The following NAV2 variants were observed in gnomAD, a reference collection of about 807,000 sequenced individuals.
The protein encoded by NAV2 is helicase, APC down-regulated 1.
A neutral mutation model predicts 223.2 loss-of-function variants in NAV2; 54 were observed. That is an observed-to-expected ratio of 0.24 (90% CI 0.19 to 0.30). NAV2 has a LOEUF of 0.30. Ranked by LOEUF, NAV2 falls within the 10% of genes least tolerant of loss-of-function variation. NAV2 has a pLI of 1.00. For synonymous variants in NAV2, 1,279 were observed against 1,239.3 expected (o/e 1.03, Z -0.67); for missense variants, 2,806 against 3,147.5 (o/e 0.89, Z 2.60).
Position 19,802,130 on chromosome 11 carries a change from C to T in NAV2, c.268-30354C>T, listed in dbSNP as rs539696061. ...TCCGAAGGGCTAGAAGGATTAATCA[C>T]TGGGGGTCTTCACCAAACTGGGACC... On this transcript the variant is annotated intron_variant, in intron 1 of 37. Coordinates refer to ENST00000349880, the MANE Select transcript of NAV2 (RefSeq NM_145117.5). Among the ~76,000 whole-genome samples the T allele has an allele frequency of 3.3e-5, 5 of 152,272 alleles. No individual in the cohort carries two copies. In the South Asian group the frequency reaches 8.3e-4, roughly 25 times the overall value.
At position 20,075,905 on chromosome 11, in the gene NAV2, C is replaced by T. The variant is rs544467419; in HGVS notation, c.4984-1647C>T. ...CCTCCCATATATCCTCTGCCCTTCTCATCCCTCTTGCAGCCCACTGTGTTT... is the reference window on the plus strand; with the variant it reads ...CCTCCCATATATCCTCTGCCCTTCTTATCCCTCTTGCAGCCCACTGTGTTT... On this transcript the variant is annotated intron_variant, in intron 22 of 37. Coordinates refer to ENST00000349880, the MANE Select transcript of NAV2 (RefSeq NM_145117.5). Among the ~76,000 whole-genome samples the T allele has an allele frequency of 1.1e-4, 16 of 152,140 alleles. No individual in the cohort carries two copies. In the South Asian group the frequency reaches 2.7e-3, roughly 26 times the overall value.
intron 17 of NAV2, 24 bp from the exon 18 acceptor site, chr11:20,054,056 C>T: frequency 6.2e-7 from 1 of 1,609,678 alleles, no homozygotes; most frequent in Non-Finnish European, 8.5e-7. Flanking sequence ...ATAGTTAATT[C>T]CGGCTTGATT....
At position 19,551,777 on chromosome 11, in the gene NAV2, C is replaced by T. The variant is rs554606174; in HGVS notation, c.75+200750C>T. Among the ~76,000 whole-genome samples, 254 of 152,256 alleles carry T rather than the reference C, an allele frequency of 1.7e-3. 2 individuals carry two copies. Among genetic ancestry groups the T allele is most frequent in the African/African-American group, 6.0e-3 (248 of 41,562 alleles). On this transcript the variant is annotated intron_variant, in intron 1 of 37. Coordinates refer to the NAV2 transcript ENST00000360655. ...AGTTCTTTCAGAATAGTGCATTTCACGTGTGGAGCATACCAACTTCCAGAA... is the reference window on the plus strand; with the variant it reads ...AGTTCTTTCAGAATAGTGCATTTCATGTGTGGAGCATACCAACTTCCAGAA...
intron 11 of NAV2, among the ~76,000 whole-genome samples, chr11:20,031,370 T>C (rs994620673): frequency 2.0e-5 from 3 of 152,240 alleles, no homozygotes; most frequent in Non-Finnish European, 4.4e-5. Context: ...GTCACTTGAT[T>C]AGATTCAACC....
intron 1 of NAV2, among the ~76,000 whole-genome samples, chr11:19,704,394 T>C (rs1019246301): frequency 3.3e-5 from 5 of 152,216 alleles, no homozygotes; most frequent in Admixed American, 6.5e-5. Context: ...TCCATGCTTA[T>C]CATTATGATG....
intron 5 of NAV2, among the ~76,000 whole-genome samples, chr11:19,885,430 T>G (rs2040872446): frequency 1.3e-5 from 2 of 152,244 alleles, no homozygotes; most frequent in African/African-American, 4.8e-5. Context: ...GCTTTTTCTC[T>G]CACACTGCCC....
intron 1 of NAV2, among the ~76,000 whole-genome samples, chr11:19,457,302 A>G (rs1395279471): frequency 6.6e-6 from 1 of 152,240 alleles, no homozygotes. Flanking sequence ...GCTAATTCAC[A>G]TTGGGTGGTC....
rs1018299429 is a variant in NAV2, at chr11:20,119,454, G to C, written c.*1196G>C. On this transcript the variant is annotated 3_prime_UTR_variant, in exon 38 of 38. Transcript: ENST00000349880. ...TTTAGAACACACACCAACACCTCCA[G>C]CGTCCCCGCCCCAGCTTCCGGTGGG... The C allele has an allele frequency of 2.0e-5, 3 of 152,646 alleles. No individual in the cohort carries two copies. The highest frequency in any genetic ancestry group is 7.2e-5 in the African/African-American group (3 of 41,408). 9.5% of individuals were successfully genotyped at this position (152,646 alleles called of 1,614,324 possible).
At chr11:19,642,030 G>A (rs1448944697) in intron 1 of NAV2, among the ~76,000 whole-genome samples, 1 of 152,146 alleles carries the variant, frequency 6.6e-6, no homozygotes, top group Admixed American at 6.5e-5. Context: ...GTACTGAATA[G>A]ATATTGGTTG....
At chr11:19,914,529 T>C (rs2043611655) in intron 6 of NAV2, among the ~76,000 whole-genome samples, 1 of 150,762 alleles carries the variant, frequency 6.6e-6, no homozygotes, top group Admixed American at 6.6e-5. Flanking sequence ...TTTAATATTG[T>C]TGTTCCTGTT....
chr11:19,469,315 C>T (rs1226469183), intron 1 of NAV2, among the ~76,000 whole-genome samples: 2 of 152,172 alleles, frequency 1.3e-5, no homozygotes, highest in Non-Finnish European at 2.9e-5. Flanking sequence ...TCTCTTTAGG[C>T]TGTGATCTTC....
intron 1 of NAV2, among the ~76,000 whole-genome samples, chr11:19,580,557 C>T (rs967314652): frequency 2.6e-5 from 4 of 152,174 alleles, no homozygotes; most frequent in Non-Finnish European, 5.9e-5. Flanking sequence ...TCTCTCAATA[C>T]TGCCACATTG....
chr11:19,909,787 G>T (rs2043160371), intron 6 of NAV2, among the ~76,000 whole-genome samples: 1 of 152,112 alleles, frequency 6.6e-6, no homozygotes, highest in South Asian at 2.1e-4. Context: ...AGTAATAGTT[G>T]CCATCATGTT....
intron 3 of NAV2, among the ~76,000 whole-genome samples, chr11:19,854,692 A>G (rs1009048877): frequency 6.6e-6 from 1 of 152,198 alleles, no homozygotes; most frequent in Non-Finnish European, 1.5e-5. Flanking sequence ...TTCCTCAGGA[A>G]TCCTAAGCAC....
At chr11:19,914,293 G>A (rs1174652467) in intron 6 of NAV2, among the ~76,000 whole-genome samples, 1 of 152,150 alleles carries the variant, frequency 6.6e-6, no homozygotes, top group African/African-American at 2.4e-5. Flanking sequence ...GGAGAAAGGT[G>A]GTGTCACATT....
At chr11:19,552,585 T>C (rs756095202) in intron 1 of NAV2, among the ~76,000 whole-genome samples, 2 of 152,172 alleles carry the variant, frequency 1.3e-5, no homozygotes, top group Non-Finnish European at 2.9e-5. Context: ...AAAAACTCCA[T>C]TTGTCACAAG....
chr11:19,395,419 C>G (rs1849410422), intron 1 of NAV2, among the ~76,000 whole-genome samples: 1 of 152,178 alleles, frequency 6.6e-6, no homozygotes, highest in Non-Finnish European at 1.5e-5. Flanking sequence ...CAAAACTGCC[C>G]CAGTCAGAGC....
In NAV2 at chr11:20,082,576, G is replaced by A. The variant is rs376568882; in HGVS notation, c.5326-431G>A. The A allele has an allele frequency of 6.2e-6, 10 of 1,612,740 alleles. No individual in the cohort carries two copies. The African/African-American group carries it at 6.7e-5, about 11-fold the overall frequency. ...TCCTCCCCCTTCCCCATTTTTGCTT[G>A]CGTTTTCTCTGGCAGGTCAATGAGG... is the stretch of plus-strand genomic sequence containing the variant. On this transcript the variant is annotated intron_variant, in intron 25 of 37. Transcript: ENST00000349880.
At chr11:19,463,300 C>A (rs891531350) in intron 1 of NAV2, among the ~76,000 whole-genome samples, 2 of 152,196 alleles carry the variant, frequency 1.3e-5, no homozygotes, top group African/African-American at 4.8e-5. Context: ...GGCATTGTGC[C>A]GTGTCTAAGA....
Sources: gnomAD v4.1 joint callset for allele counts (sites outside exome capture counted in the v4.1 genomes callset) on GRCh38, gnomAD v4.1.1 for gene constraint, MANE v1.5 for transcripts, NCBI Gene and HGNC (gene_info 2026-07-23, HGNC 2026-07-21) for gene names.